Variants in SP140L observed in about 807,000 individuals in gnomAD.
SP140L encodes SP140 like nuclear body protein.
SP140L carries 64 observed loss-of-function variants against 84.3 expected under a neutral mutation model. The observed-to-expected ratio is 0.76, with a 90% CI of 0.62 to 0.94. SP140L has a LOEUF of 0.94. SP140L is among the 40% of genes least tolerant of loss of function. SP140L has a pLI of 0.00. For missense variants in SP140L, 628 were observed against 692.5 expected, an observed-to-expected ratio of 0.91 and a Z score of 1.05; for synonymous variants, 242 against 236.9, an observed-to-expected ratio of 1.02 and a Z score of -0.20.
intron 15 of SP140L, 90 bp from the exon 16 acceptor site, chr2:230,400,865 G>T: frequency 2.0e-6 from 3 of 1,531,182 alleles, no homozygotes; most frequent in Non-Finnish European, 2.7e-6. Context: ...GAGCCCATCA[G>T]CCATTCCTGA....
intron 14 of SP140L, chr2:230,399,924 C>T (rs2062234296): frequency 2.0e-6 from 1 of 497,040 alleles, no homozygotes. Flanking sequence ...TTTATTCTGA[C>T]ATATACCCCT....
At chr2:230,339,991 T>C (rs1187519942) in intron 2 of SP140L, among the ~76,000 whole-genome samples, 61 of 150,040 alleles carry the variant, frequency 4.1e-4, no homozygotes, top group African/African-American at 1.5e-3. Flanking sequence ...GAGAGTTCTG[T>C]AGATGTCTAT....
At chr2:230,348,640 C>T (rs1449464477) in intron 2 of SP140L, among the ~76,000 whole-genome samples, 1 of 152,104 alleles carries the variant, frequency 6.6e-6, no homozygotes, top group South Asian at 2.1e-4. Flanking sequence ...ATATAATTGG[C>T]TAATATTTTC....
chr2:230,381,098 G>A (rs146583740), intron 7 of SP140L, among the ~76,000 whole-genome samples: 1 of 151,698 alleles, frequency 6.6e-6, no homozygotes, highest in Non-Finnish European at 1.5e-5. Flanking sequence ...AGTGTGTGCT[G>A]CAGTGGAGGA....
At chr2:230,364,527 A>G (rs1160931192) in intron 5 of SP140L, among the ~76,000 whole-genome samples, 3 of 152,056 alleles carry the variant, frequency 2.0e-5, no homozygotes, top group East Asian at 3.8e-4. Context: ...TATTAGTTCT[A>G]GCAGTTTTTT....
intron 2 of SP140L, among the ~76,000 whole-genome samples, chr2:230,334,103 C>A (rs2059801040): frequency 6.6e-6 from 1 of 152,184 alleles, no homozygotes; most frequent in South Asian, 2.1e-4. Flanking sequence ...CACTAGAAAT[C>A]TGACTAGAAG....
intron 2 of SP140L, among the ~76,000 whole-genome samples, chr2:230,351,917 G>T (rs112541748): frequency 6.6e-6 from 1 of 152,292 alleles, no homozygotes; most frequent in Non-Finnish European, 1.5e-5. Context: ...AGAGTGCTGG[G>T]ACTACAGGCA....
At chr2:230,330,254 T>G (rs1298393939) in intron 2 of SP140L, among the ~76,000 whole-genome samples, 1 of 152,246 alleles carries the variant, frequency 6.6e-6, no homozygotes, top group East Asian at 1.9e-4. Flanking sequence ...TTATCAATTT[T>G]TCTGAGGACA....
intron 9 of SP140L, among the ~76,000 whole-genome samples, chr2:230,388,056 C>T (rs1274744745): frequency 6.6e-6 from 1 of 152,164 alleles, no homozygotes; most frequent in Non-Finnish European, 1.5e-5. Flanking sequence ...TTATTTGTGT[C>T]TCTGCTAAGA....
intron 1 of SP140L, among the ~76,000 whole-genome samples, chr2:230,328,325 T>C (rs1467253579): frequency 6.6e-6 from 1 of 152,244 alleles, no homozygotes; most frequent in East Asian, 1.9e-4. Flanking sequence ...GCATAACTTT[T>C]CTCATATTTT....
chr2:230,400,020 C>T (rs2062238153), intron 14 of SP140L, 107 bp from the exon 15 acceptor site: 10 of 1,147,960 alleles, frequency 8.7e-6, no homozygotes, highest in Admixed American at 4.0e-5. Flanking sequence ...GAAGCATATG[C>T]CTGTCTATAC....
At chr2:230,353,737 G>T (rs900156851) in intron 2 of SP140L, among the ~76,000 whole-genome samples, 1 of 151,958 alleles carries the variant, frequency 6.6e-6, no homozygotes, top group Admixed American at 6.6e-5. Flanking sequence ...TGTATATTCA[G>T]TGTTATAATT....
intron 2 of SP140L, among the ~76,000 whole-genome samples, chr2:230,351,063 TTGAAAG>T (rs2060349910): frequency 6.6e-6 from 1 of 152,174 alleles, no homozygotes; most frequent in Admixed American, 6.5e-5. Context: ...ATGGAGAGCA[TTGAAAG>T]TTCTGCAGTT....
chr2:230,363,392 A>G (rs941731975), intron 5 of SP140L, among the ~76,000 whole-genome samples: 17 of 152,006 alleles, frequency 1.1e-4, no homozygotes, highest in Admixed American at 1.0e-3. Flanking sequence ...TGTGGTTTCA[A>G]TTTGTATTTT....
At chr2:230,376,193 C>G (rs943548038) in intron 7 of SP140L, among the ~76,000 whole-genome samples, 1 of 152,112 alleles carries the variant, frequency 6.6e-6, no homozygotes, top group African/African-American at 2.4e-5. Flanking sequence ...TCTTGGCACC[C>G]TTGTCAAGAT....
Position 230,396,805 on chromosome 2 carries a change from A to G in SP140L, c.1197+7A>G, listed in dbSNP as rs1354872831. On this transcript the variant is annotated splice_region_variant and intron_variant, in intron 14 of 18. Transcript: ENST00000415673. ...TAGCTCAGTTGACCCTTGTGTAAGT[A>G]TAAATTCTGAACTACAACCCCCAGA... 8 of 1,613,934 alleles carry G rather than the reference A, an allele frequency of 5.0e-6. No homozygotes were observed. The highest frequency in any genetic ancestry group is 1.7e-5 in the Admixed American group (1 of 59,994).
At chr2:230,328,668 C>G in intron 1 of SP140L, 89 bp from the exon 2 acceptor site, 1 of 1,491,170 alleles carries the variant, frequency 6.7e-7, no homozygotes, top group Non-Finnish European at 9.0e-7. Flanking sequence ...AAGTATTTCT[C>G]TTGTGCCTAA....
chr2:230,349,958 G>T (rs563586644), intron 2 of SP140L, among the ~76,000 whole-genome samples: 1 of 152,112 alleles, frequency 6.6e-6, no homozygotes, highest in African/African-American at 2.4e-5. Context: ...GCAGTGAGCC[G>T]AGATCAAGCC....
intron 7 of SP140L, 123 bp downstream of exon 7, chr2:230,371,774 T>C (rs934493918): frequency 6.6e-6 from 6 of 909,766 alleles, no homozygotes; most frequent in Middle Eastern, 4.5e-4. Context: ...GAGAGAATGA[T>C]GGCCACCCCA....
Sources: allele counts gnomAD v4.1 joint callset (sites outside exome capture counted in the v4.1 genomes callset), GRCh38; gene constraint gnomAD v4.1.1; transcripts MANE v1.5; gene names NCBI Gene and HGNC (gene_info 2026-07-23, HGNC 2026-07-21).